DENND5B: variants seen among roughly 807,000 people sequenced by gnomAD.
The protein encoded by DENND5B is DENN domain-containing protein 5B.
Under a neutral mutation model 140.6 loss-of-function variants are expected in DENND5B, and 34 were observed. That is an observed-to-expected ratio of 0.24 (90% CI 0.18 to 0.32). The LOEUF (loss-of-function observed/expected upper bound fraction) is 0.32. Among genes scored for constraint, DENND5B ranks in the 10% least tolerant of loss-of-function variants. The pLI is 1.00. For synonymous variants in DENND5B, 551 were observed against 562.1 expected (o/e 0.98, Z 0.28); for missense variants, 1,142 against 1,560.2 (o/e 0.73, Z 4.52).
chr12:31,542,881 G>A (rs958463972), intron 1 of DENND5B, among the ~76,000 whole-genome samples: 3 of 152,126 alleles, frequency 2.0e-5, no homozygotes, highest in Admixed American at 2.0e-4. Flanking sequence ...GCTTGAGCCT[G>A]GGAGGTGGAA....
At chr12:31,397,747 G>A (rs546771668) in intron 17 of DENND5B, among the ~76,000 whole-genome samples, 199 of 151,968 alleles carry the variant, frequency 1.3e-3, no homozygotes, top group African/African-American at 4.5e-3. Flanking sequence ...GCAACATGGC[G>A]AAAGGCAGTC....
intron 14 of DENND5B, among the ~76,000 whole-genome samples, chr12:31,404,640 G>C (rs1942012274): frequency 6.6e-6 from 1 of 151,772 alleles, no homozygotes. Flanking sequence ...TTTTAGTAGA[G>C]AAGGGGTTTT....
chr12:31,495,375 A>ATTTCTTTCTT (rs1946715842), intron 2 of DENND5B, among the ~76,000 whole-genome samples: 2 of 47,814 alleles, frequency 4.2e-5, no homozygotes, highest in East Asian at 1.0e-3. Context: ...AGAGTATCAC[A>ATTTCTTTCTT]TTTCTTTTTT....
intron 13 of DENND5B, among the ~76,000 whole-genome samples, chr12:31,409,844 C>T (rs1942356734): frequency 6.6e-6 from 1 of 152,066 alleles, no homozygotes; most frequent in Admixed American, 6.6e-5. Context: ...CTATATTGCC[C>T]AGGCTGGTCT....
At chr12:31,421,844 T>G (rs1238607677) in intron 11 of DENND5B, among the ~76,000 whole-genome samples, 1 of 152,202 alleles carries the variant, frequency 6.6e-6, no homozygotes, top group Admixed American at 6.5e-5. Context: ...TGAGTCAACA[T>G]GCCTGGCCTC....
In DENND5B at chr12:31,479,653, T is replaced by C. The variant is rs182495338; in HGVS notation, c.840A>G (p.Leu280=). The part of the protein sequence containing the change: ...PLREAFELLG[L]ENLVQVFTCV... The stretch of plus-strand genomic sequence containing the variant: ...AGGTAAACACCTGCACCAGGTTCTC[T>C]AATCCCAGGAGCTCAAATGCCTCCC... The change falls in exon 3 of 21, where the codon TTA becomes TTG. Residue 280 remains leucine (L), a synonymous_variant. Transcript: ENST00000389082. The C allele has an allele frequency of 3.2e-6, 5 of 1,557,530 alleles. No homozygotes were observed. Among genetic ancestry groups the C allele is most frequent in the Admixed American group, 4.0e-5 (2 of 50,490 alleles).
intron 3 of DENND5B, among the ~76,000 whole-genome samples, chr12:31,470,874 C>G (rs950047707): frequency 3.3e-5 from 5 of 152,122 alleles, no homozygotes; most frequent in African/African-American, 9.7e-5. Context: ...GAATTAGGAA[C>G]CTTTAATTCC....
intron 3 of DENND5B, among the ~76,000 whole-genome samples, chr12:31,462,964 AAAAC>A (rs1945087772): frequency 6.6e-6 from 1 of 151,742 alleles, no homozygotes; most frequent in African/African-American, 2.4e-5. Context: ...CTCAGAAAAA[AAAAC>A]AAAAAACAAA....
At chr12:31,550,428 T>C (rs1214030125) in intron 1 of DENND5B, among the ~76,000 whole-genome samples, 4 of 152,060 alleles carry the variant, frequency 2.6e-5, no homozygotes, top group African/African-American at 7.2e-5. Flanking sequence ...TATTCCATGG[T>C]GTATATGTGC....
At chr12:31,585,402 C>A (rs1950363056) in intron 1 of DENND5B, among the ~76,000 whole-genome samples, 2 of 152,334 alleles carry the variant, frequency 1.3e-5, no homozygotes, top group Admixed American at 1.3e-4. Flanking sequence ...CAGCTTCTAT[C>A]CCAATTAAGC....
chr12:31,572,685 A>G (rs929851651), intron 1 of DENND5B, among the ~76,000 whole-genome samples: 1 of 152,142 alleles, frequency 6.6e-6, no homozygotes, highest in Non-Finnish European at 1.5e-5. Context: ...AGTGCTTATT[A>G]TAAGAAGGTT....
intron 1 of DENND5B, among the ~76,000 whole-genome samples, chr12:31,584,375 T>C (rs145836295): frequency 2.0e-5 from 3 of 152,378 alleles, no homozygotes; most frequent in East Asian, 1.9e-4. Context: ...ACAGAGAATT[T>C]AGCTTCACTC....
intron 14 of DENND5B, 147 bp from the exon 15 acceptor site, chr12:31,402,790 TA>T: frequency 2.0e-6 from 2 of 1,000,338 alleles, no homozygotes; most frequent in Non-Finnish European, 2.8e-6. Flanking sequence ...GTTGAGATCA[TA>T]ACCTTTCAGT....
rs57281086 is a variant in DENND5B, at chr12:31,456,047, T to A, written c.1093-3571A>T. On this transcript the variant is annotated intron_variant, in intron 4 of 20. Coordinates refer to ENST00000389082, the MANE Select transcript of DENND5B (RefSeq NM_144973.4). The stretch of plus-strand genomic sequence containing the variant: ...AACAAAACAACAACAACAACAAAAG[T>A]GGCCGGGCACAGTGGCTCATGCCTG... Among the ~76,000 whole-genome samples the A allele has an allele frequency of 7.3e-3, 846 of 116,468 alleles. 18 individuals are homozygous for A. Among genetic ancestry groups the A allele is most frequent in the African/African-American group, 0.027 (823 of 30,604 alleles). The allele number at this position is 116,468 out of a possible 152,430, so 76.4% of individuals were successfully genotyped here. A position where few individuals can be genotyped will look rare whatever the true frequency, so the allele number is the denominator to read the frequency against.
chr12:31,462,115 G>A (rs996768946), intron 3 of DENND5B, among the ~76,000 whole-genome samples: 3 of 152,056 alleles, frequency 2.0e-5, no homozygotes, highest in Non-Finnish European at 2.9e-5. Flanking sequence ...CAAACACCAG[G>A]TGGCCTAAAA....
chr12:31,424,903 A>G (rs1943167167), intron 9 of DENND5B, among the ~76,000 whole-genome samples: 1 of 152,210 alleles, frequency 6.6e-6, no homozygotes, highest in South Asian at 2.1e-4. Flanking sequence ...GAGTGTGACT[A>G]AAGAGAATAT....
rs1451291603 is a variant in DENND5B at position 31,389,407 on chromosome 12, G to A, written c.3558C>T (p.Cys1186=). The change falls in exon 20 of 21, where the codon TGC becomes TGT. Residue 1186 remains cysteine (C), a synonymous_variant. Transcript: ENST00000389082. ...LIQKSSCKTF[C]HYVNAINTAP... is the part of the protein sequence containing the mutation. The stretch of plus-strand genomic sequence containing the variant: ...CAGTATTAATAGCATTTACGTAGTG[G>A]CAGAAGGTTTTGCAGGATGATTTCT... 2 of 1,612,562 alleles carry A rather than the reference G, an allele frequency of 1.2e-6. No homozygotes were observed. The highest frequency in any genetic ancestry group is 3.3e-5 in the Admixed American group (2 of 59,776).
rs150028933 is a variant in DENND5B at position 31,386,293 on chromosome 12, T to TA, written c.*1309dup. On this transcript the variant is annotated 3_prime_UTR_variant, in exon 21 of 21. Coordinates refer to ENST00000389082, the MANE Select transcript of DENND5B (RefSeq NM_144973.4). ...CAGGACCTACCAGAAGATGAGGACT[T>TA]ACAGTAACTAGCCAATACTACATTT... The TA allele has an allele frequency of 0.011, 1,735 of 154,946 alleles. 18 individuals are homozygous for TA. Among genetic ancestry groups the TA allele is most frequent in the East Asian group, 0.031 (161 of 5,190 alleles). 9.6% of individuals were successfully genotyped at this position (154,946 alleles called of 1,614,324 possible). A position where few individuals can be genotyped will look rare whatever the true frequency, so the allele number is the denominator to read the frequency against.
intron 3 of DENND5B, among the ~76,000 whole-genome samples, chr12:31,475,996 C>T (rs2138486681): frequency 6.6e-6 from 1 of 151,970 alleles, no homozygotes; most frequent in Non-Finnish European, 1.5e-5. Context: ...CATGGTGGTG[C>T]GCGCCTGTAG....
Sources: gnomAD v4.1 joint callset for allele counts (sites outside exome capture counted in the v4.1 genomes callset) on GRCh38, gnomAD v4.1.1 for gene constraint, MANE v1.5 for transcripts, NCBI Gene and HGNC (gene_info 2026-07-23, HGNC 2026-07-21) for gene names.